The following CSMD1 variants were observed in gnomAD, a reference collection of about 807,000 sequenced individuals.
CSMD1 encodes the protein CUB and sushi domain-containing protein 1.
In CSMD1, 213 loss-of-function variants were observed where a neutral mutation model predicts 417.5. The observed-to-expected ratio is 0.51, with a 90% CI of 0.46 to 0.57. The LOEUF is 0.57. CSMD1 is among the 20% of genes least tolerant of loss of function. The pLI is 0.00. For synonymous variants in CSMD1, 2,862 were observed against 1,736.8 expected (o/e 1.65, Z -16.11); for missense variants, 6,923 against 4,529.7 (o/e 1.53, Z -15.17).
At chr8:3,441,262 G>C (rs527595719) in intron 12 of CSMD1, among the ~76,000 whole-genome samples, 31 of 152,186 alleles carry the variant, frequency 2.0e-4, no homozygotes, top group African/African-American at 7.0e-4. Flanking sequence ...CCAGAGCTTT[G>C]AGAGACTGAA....
chr8:3,378,585 T>C (rs1432926131), intron 18 of CSMD1, among the ~76,000 whole-genome samples: 3 of 152,192 alleles, frequency 2.0e-5, no homozygotes, highest in Admixed American at 6.5e-5. Context: ...GATGCAAGGC[T>C]AGTTCCATAT....
At chr8:4,632,619 G>A (rs1802589172) in intron 2 of CSMD1, among the ~76,000 whole-genome samples, 1 of 152,130 alleles carries the variant, frequency 6.6e-6, no homozygotes, top group Non-Finnish European at 1.5e-5. Context: ...TTAGACATCT[G>A]AATGTACAAA....
At chr8:3,650,194 G>A (rs1312907106) in intron 7 of CSMD1, among the ~76,000 whole-genome samples, 1 of 151,896 alleles carries the variant, frequency 6.6e-6, no homozygotes, top group African/African-American at 2.4e-5. Context: ...TAGGAGAATT[G>A]CTTGAACCCA....
chr8:3,982,157 CAAA>C (rs1160692955), intron 5 of CSMD1, among the ~76,000 whole-genome samples: 2 of 82,496 alleles, frequency 2.4e-5, no homozygotes, highest in South Asian at 3.6e-4. Flanking sequence ...GGCTCTATCT[CAAA>C]AATAATAATA....
At chr8:4,034,636 C>T (rs914102126) in intron 3 of CSMD1, among the ~76,000 whole-genome samples, 4 of 151,944 alleles carry the variant, frequency 2.6e-5, no homozygotes, top group East Asian at 1.9e-4. Context: ...CAAAGACACA[C>T]GTTGTATAGC....
At chr8:3,839,636 G>A (rs548340215) in intron 5 of CSMD1, among the ~76,000 whole-genome samples, 2 of 139,028 alleles carry the variant, frequency 1.4e-5, no homozygotes, top group Non-Finnish European at 3.0e-5. Context: ...TGGGCAACAA[G>A]AGTGACACTT....
chr8:4,459,498 C>G (rs956137103), intron 2 of CSMD1, among the ~76,000 whole-genome samples: 3 of 152,136 alleles, frequency 2.0e-5, no homozygotes, highest in Non-Finnish European at 4.4e-5. Flanking sequence ...AGGTTGCTCT[C>G]AAAAATAAAT....
At chr8:2,941,588 T>G (rs187191880) in intron 69 of CSMD1, among the ~76,000 whole-genome samples, 2 of 152,356 alleles carry the variant, frequency 1.3e-5, no homozygotes, top group Admixed American at 6.5e-5. Flanking sequence ...AATAATTCTT[T>G]TCTTCTGGCA....
intron 7 of CSMD1, among the ~76,000 whole-genome samples, chr8:3,666,557 G>A (rs1425790513): frequency 6.6e-6 from 1 of 152,094 alleles, no homozygotes; most frequent in Non-Finnish European, 1.5e-5. Context: ...TGGTTTGGCT[G>A]TGTCCCCACC....
At chr8:3,692,950 G>GT (rs1299899555) in intron 7 of CSMD1, among the ~76,000 whole-genome samples, 2 of 152,030 alleles carry the variant, frequency 1.3e-5, no homozygotes, top group Admixed American at 6.6e-5. Flanking sequence ...AAGTGATCCT[G>GT]TTTTTTTGTG....
At chr8:3,027,317 G>A (rs1810004985) in intron 51 of CSMD1, among the ~76,000 whole-genome samples, 3 of 152,088 alleles carry the variant, frequency 2.0e-5, no homozygotes, top group Admixed American at 6.5e-5. Context: ...TCCACCAGAC[G>A]ATACCAGGGC....
At position 4,487,463 on chromosome 8, in the gene CSMD1, A is replaced by G. The variant is rs1009958758; in HGVS notation, c.303-67398T>C. 8.5e-5 allele frequency among the ~76,000 whole-genome samples: 13 copies of G among 152,112 alleles called. No individual in the cohort carries two copies. In the South Asian group the frequency reaches 1.0e-3, roughly 12 times the overall value. On this transcript the variant is annotated intron_variant, in intron 2 of 69. Coordinates refer to ENST00000635120, the MANE Select transcript of CSMD1 (RefSeq NM_033225.6). ...ACATTACTGAGAATGCTGATTTCCA[A>G]TTTCATCCATGTCCCTACAAAGGAC...
intron 1 of CSMD1, among the ~76,000 whole-genome samples, chr8:4,918,759 G>C (rs1447840368): frequency 1.3e-5 from 2 of 151,914 alleles, no homozygotes; most frequent in African/African-American, 4.8e-5. Flanking sequence ...CATATATGCA[G>C]GTATGTGCAT....
At chr8:3,259,868 A>AG (rs1310608729) in intron 26 of CSMD1, among the ~76,000 whole-genome samples, 1 of 151,572 alleles carries the variant, frequency 6.6e-6, no homozygotes, top group Non-Finnish European at 1.5e-5. Context: ...ATCAAAATAA[A>AG]ATATTAATTT....
At chr8:4,369,066 T>A (rs1228328779) in intron 3 of CSMD1, among the ~76,000 whole-genome samples, 1 of 152,118 alleles carries the variant, frequency 6.6e-6, no homozygotes, top group Non-Finnish European at 1.5e-5. Context: ...CTTTTTGACT[T>A]CTTGATATAG....
chr8:4,582,592 C>T (rs115558681), intron 2 of CSMD1, among the ~76,000 whole-genome samples: 3,379 of 152,280 alleles, frequency 0.022, 131 homozygotes, highest in African/African-American at 0.077. Context: ...CTGAAGGTCA[C>T]TGAAGGGCTA....
At chr8:4,056,525 A>C (rs1209493247) in intron 3 of CSMD1, among the ~76,000 whole-genome samples, 3 of 149,052 alleles carry the variant, frequency 2.0e-5, no homozygotes, top group Non-Finnish European at 4.4e-5. Context: ...AAAGCATTTA[A>C]TTTCAATTTT....
intron 3 of CSMD1, among the ~76,000 whole-genome samples, chr8:4,081,301 T>A (rs1211764225): frequency 6.6e-6 from 1 of 152,180 alleles, no homozygotes; most frequent in Non-Finnish European, 1.5e-5. Flanking sequence ...GCAGGTAAGC[T>A]CTATGGTCCC....
intron 18 of CSMD1, among the ~76,000 whole-genome samples, chr8:3,370,262 T>C (rs921841161): frequency 6.6e-6 from 1 of 152,170 alleles, no homozygotes; most frequent in Admixed American, 6.5e-5. Context: ...CAAGCTATCC[T>C]ATGAATGGAA....
Sources: gnomAD v4.1 joint callset for allele counts (sites outside exome capture counted in the v4.1 genomes callset) on GRCh38, gnomAD v4.1.1 for gene constraint, MANE v1.5 for transcripts, NCBI Gene and HGNC (gene_info 2026-07-23, HGNC 2026-07-21) for gene names.